RBM6: variants seen among roughly 807,000 people sequenced by gnomAD.
RBM6 encodes RNA binding motif protein 6.
A neutral mutation model predicts 140.4 loss-of-function variants in RBM6; 23 were observed. The observed-to-expected ratio is 0.16, with a 90% confidence interval of 0.12 to 0.23. The LOEUF (loss-of-function observed/expected upper bound fraction) is 0.23. RBM6 is among the 10% of genes least tolerant of loss of function. The pLI, the probability that RBM6 is intolerant of heterozygous loss-of-function variation, is 1.00. For synonymous variants in RBM6, 439 were observed against 475.6 expected (o/e 0.92, Z 1.00); for missense variants, 1,139 against 1,386.7 (o/e 0.82, Z 2.84).
chr3:50,002,609 C>CCA (rs2086391548), intron 6 of RBM6, among the ~76,000 whole-genome samples: 1 of 152,168 alleles, frequency 6.6e-6, no homozygotes, highest in Admixed American at 6.6e-5. Flanking sequence ...GTTGGCCAGG[C>CCA]TGGTCTTGAA....
At chr3:50,062,374 CA>C (rs1157292176) in intron 15 of RBM6, among the ~76,000 whole-genome samples, 1 of 151,896 alleles carries the variant, frequency 6.6e-6, no homozygotes, top group African/African-American at 2.4e-5. Flanking sequence ...TGTGGTGGTA[CA>C]CGCCTGTAGT....
chr3:50,034,124 A>G (rs1330778990), intron 6 of RBM6, among the ~76,000 whole-genome samples: 1 of 109,988 alleles, frequency 9.1e-6, no homozygotes, highest in East Asian at 2.5e-4. Flanking sequence ...ACAGGGTTTC[A>G]CTCTTGTTGC....
chr3:50,022,566 G>A (rs1214597805), intron 6 of RBM6, among the ~76,000 whole-genome samples: 2 of 152,132 alleles, frequency 1.3e-5, no homozygotes, highest in African/African-American at 4.8e-5. Context: ...CCGATCTTAG[G>A]TGATCTGCCT....
intron 6 of RBM6, among the ~76,000 whole-genome samples, chr3:50,046,347 A>C (rs1676709810): frequency 6.6e-6 from 1 of 151,546 alleles, no homozygotes; most frequent in Admixed American, 6.6e-5. Context: ...TGGGAGGCCG[A>C]GGTGGGCGGA....
rs573814565 is a variant in RBM6 at position 50,004,330 on chromosome 3, T to A, written c.1557+4817T>A. On this transcript the variant is annotated intron_variant, in intron 6 of 20. Coordinates refer to ENST00000266022, the MANE Select transcript of RBM6 (RefSeq NM_005777.3). The stretch of plus-strand genomic sequence containing the variant: ...CTCCCCCCCCTCCCCTCTCCTCTTA[T>A]TGGAGACAAGGTCTCCCTCTGTCAC... Among the ~76,000 whole-genome samples the A allele has an allele frequency of 3.6e-5, 5 of 139,918 alleles. No individual in the cohort carries two copies. In the East Asian group the frequency reaches 7.3e-4, roughly 20 times the overall value. The allele number at this position is 139,918 out of a possible 152,430, so 91.8% of individuals were successfully genotyped here. A position where few individuals can be genotyped will look rare whatever the true frequency, so the allele number is the denominator to read the frequency against.
chr3:50,049,849 C>CT (rs772819564), intron 7 of RBM6, among the ~76,000 whole-genome samples: 2,889 of 136,572 alleles, frequency 0.021, 46 homozygotes, highest in African/African-American at 0.025. Flanking sequence ...CCTAGAACTT[C>CT]TTTTTTTTTT....
At chr3:50,026,252 T>C (rs1016688926) in intron 6 of RBM6, among the ~76,000 whole-genome samples, 1 of 151,218 alleles carries the variant, frequency 6.6e-6, no homozygotes, top group East Asian at 2.0e-4. Context: ...GCCCGGCTAA[T>C]TTTTGTATTT....
chr3:50,026,674 G>T (rs1241148505), intron 6 of RBM6, among the ~76,000 whole-genome samples: 1 of 151,530 alleles, frequency 6.6e-6, no homozygotes, highest in Non-Finnish European at 1.5e-5. Flanking sequence ...GACTTTGGGA[G>T]GCCGAGGCAG....
At chr3:49,960,795 G>C (rs1225955478) in intron 1 of RBM6, among the ~76,000 whole-genome samples, 1 of 152,064 alleles carries the variant, frequency 6.6e-6, no homozygotes, top group East Asian at 1.9e-4. Flanking sequence ...ATACTACAGT[G>C]CTGTTTCCAA....
At chr3:50,058,731 G>A in intron 10 of RBM6, 169 bp downstream of exon 10, 3 of 564,150 alleles carry the variant, frequency 5.3e-6, no homozygotes, top group South Asian at 2.5e-5. Context: ...TGGCTAACAC[G>A]GTGAAACCCT....
intron 1 of RBM6, among the ~76,000 whole-genome samples, chr3:49,955,443 G>A (rs1260604798): frequency 6.6e-6 from 1 of 151,808 alleles, no homozygotes; most frequent in Non-Finnish European, 1.5e-5. Context: ...TGTTGCCCAG[G>A]CTGGAGTGCA....
intron 16 of RBM6, among the ~76,000 whole-genome samples, chr3:50,066,024 G>A (rs1394962165): frequency 6.6e-6 from 1 of 152,070 alleles, no homozygotes; most frequent in Non-Finnish European, 1.5e-5. Context: ...TGTTGCTAGA[G>A]TCACTTCTAA....
chr3:50,032,222 C>G (rs960715773), intron 6 of RBM6, among the ~76,000 whole-genome samples: 2 of 151,946 alleles, frequency 1.3e-5, no homozygotes, highest in African/African-American at 4.8e-5. Flanking sequence ...GTGGCTCACA[C>G]CTGTAATCCC....
intron 6 of RBM6, among the ~76,000 whole-genome samples, chr3:50,039,482 A>ACCCCCCCCCCC (rs10546220): frequency 2.6e-4 from 32 of 122,138 alleles, no homozygotes; most frequent in Non-Finnish European, 3.9e-4. Context: ...CAGGTGATCC[A>ACCCCCCCCCCC]CCCCCCCCCC....
intron 6 of RBM6, among the ~76,000 whole-genome samples, chr3:50,011,614 G>C (rs2086854422): frequency 1.3e-5 from 2 of 152,062 alleles, no homozygotes; most frequent in Admixed American, 1.3e-4. Context: ...GTCTTTCTTA[G>C]AGGCCTCTTT....
At chr3:50,012,740 T>C (rs1052678567) in intron 6 of RBM6, among the ~76,000 whole-genome samples, 5 of 106,554 alleles carry the variant, frequency 4.7e-5, no homozygotes, top group Admixed American at 4.1e-4. Flanking sequence ...GATTCTACCT[T>C]TTTTTTTTTT....
Position 49,973,886 on chromosome 3 carries a change from T to TTTTG in RBM6, c.1414-1413_1414-1410dup, listed in dbSNP as rs143557382. 2.3e-4 allele frequency among the ~76,000 whole-genome samples: 34 copies of TTTTG among 148,146 alleles called. 1 individual carries two copies. In the East Asian group the frequency reaches 3.1e-3, roughly 13 times the overall value. On this transcript the variant is annotated intron_variant, in intron 4 of 20. Coordinates refer to ENST00000266022, the MANE Select transcript of RBM6 (RefSeq NM_005777.3). ...CACGCATGAGCCACCGCGCCCAGCATTTTGTTTGTTTGTTTGTTTGTTTGT... is the reference window on the plus strand; with the variant it reads ...CACGCATGAGCCACCGCGCCCAGCATTTTGTTTGTTTGTTTGTTTGTTTGTTTGT...
At chr3:50,030,626 A>G (rs947285079) in intron 6 of RBM6, among the ~76,000 whole-genome samples, 1 of 152,256 alleles carries the variant, frequency 6.6e-6, no homozygotes, top group Admixed American at 6.5e-5. Context: ...AAAACTAAAA[A>G]TAAAAGCAGT....
intron 6 of RBM6, among the ~76,000 whole-genome samples, chr3:50,013,563 G>A (rs1170692297): frequency 6.6e-6 from 1 of 152,150 alleles, no homozygotes; most frequent in Non-Finnish European, 1.5e-5. Flanking sequence ...AGCTACTCGG[G>A]AGGCTGGAGC....
Sources: allele counts gnomAD v4.1 joint callset (sites outside exome capture counted in the v4.1 genomes callset), GRCh38; gene constraint gnomAD v4.1.1; transcripts MANE v1.5; gene names NCBI Gene and HGNC (gene_info 2026-07-23, HGNC 2026-07-21).